GPC3: variants seen among roughly 807,000 people sequenced by gnomAD.
GPC3 encodes glypican-3.
In GPC3, 3 loss-of-function variants were observed where a neutral mutation model predicts 34.4. The observed-to-expected ratio is 0.09, with a 90% CI of 0.04 to 0.23. The LOEUF (loss-of-function observed/expected upper bound fraction) is 0.23. GPC3 is among the 10% of genes least tolerant of loss of function. The probability of loss-of-function intolerance (pLI) is 1.00; values close to 1 mark genes in which losing one functional copy is unlikely to be tolerated. For missense variants in GPC3, 351 were observed against 445.6 expected, an observed-to-expected ratio of 0.79 and a Z score of 1.91; for synonymous variants, 177 against 174.0, an observed-to-expected ratio of 1.02 and a Z score of -0.13.
At chrX:133,955,314 T>TA (rs1383000102) in intron 1 of GPC3, among the ~76,000 whole-genome samples, 20 of 111,081 alleles carry the variant, frequency 1.8e-4, no homozygotes, top group Admixed American at 7.6e-4. Flanking sequence ...CAAACTTTCT[T>TA]AAAACGGCAC....
intron 2 of GPC3, among the ~76,000 whole-genome samples, chrX:133,791,886 CTTT>C (rs747084452): frequency 1.3e-5 from 1 of 78,304 alleles, no homozygotes; most frequent in Non-Finnish European, 2.4e-5. Flanking sequence ...TTCTTTCTTT[CTTT>C]TTTTTTTTTT....
At chrX:133,728,575 C>T (rs1055308216) in intron 3 of GPC3, among the ~76,000 whole-genome samples, 5 of 112,548 alleles carry the variant, frequency 4.4e-5, no homozygotes, top group Admixed American at 2.8e-4. Flanking sequence ...TCCACCAGTC[C>T]GGCCTAGTGG....
At chrX:133,628,221 C>A (rs1424761988) in intron 6 of GPC3, among the ~76,000 whole-genome samples, 1 of 112,228 alleles carries the variant, frequency 8.9e-6, no homozygotes, top group Non-Finnish European at 1.9e-5. Context: ...GTGGCTTCTC[C>A]CAAGCAACAT....
chrX:133,717,320 G>C (rs1324506412), intron 3 of GPC3, among the ~76,000 whole-genome samples: 1 of 110,699 alleles, frequency 9.0e-6, no homozygotes, highest in Non-Finnish European at 1.9e-5. Context: ...TAAGGGAGGA[G>C]ACCACCCCTC....
At chrX:133,570,304 C>A (rs899525539) in intron 7 of GPC3, among the ~76,000 whole-genome samples, 2 of 111,369 alleles carry the variant, frequency 1.8e-5, no homozygotes, top group Non-Finnish European at 3.8e-5. Flanking sequence ...TAGGTTCAAG[C>A]GAGTCTCCTG....
At chrX:133,807,896 A>C (rs1342234779) in intron 2 of GPC3, among the ~76,000 whole-genome samples, 1 of 112,202 alleles carries the variant, frequency 8.9e-6, no homozygotes, top group Admixed American at 9.4e-5. Flanking sequence ...AGACCTACCA[A>C]ATCAGAAAAT....
rs1603226518 is a variant in GPC3 at position 133,692,463 on chromosome X, T to A, written c.1198A>T (p.Ser400Cys). 8.3e-7 allele frequency: 1 copy of A among 1,206,694 alleles called. No individual in the cohort carries two copies. The highest frequency in any genetic ancestry group is 3.0e-5 in the East Asian group (1 of 33,829). Reference sequence around the variant, plus strand: ...TAGCCAGGCAAAGCACTATAGAAGCTGATGAAAGACTTCAACTTCTGAATT... The same window carrying A: ...TAGCCAGGCAAAGCACTATAGAAGCAGATGAAAGACTTCAACTTCTGAATT... The part of the protein sequence containing the change: ...ELIQKLKSFI[S>C]FYSALPGYIC... The change falls in exon 5 of 8, where the codon AGC (serine) becomes TGC (cysteine). Residue 400 changes from serine to cysteine, a missense_variant. By Grantham distance (112) the Ser-to-Cys change is moderately radical. Coordinates refer to ENST00000370818, the MANE Select transcript of GPC3 (RefSeq NM_004484.4).
intron 6 of GPC3, among the ~76,000 whole-genome samples, chrX:133,617,383 T>A (rs892394257): frequency 1.8e-5 from 2 of 112,515 alleles, no homozygotes; most frequent in African/African-American, 6.5e-5. Context: ...ACTCTACAGA[T>A]CCAAAGTTTA....
chrX:133,687,074 T>G (rs1347734368), intron 5 of GPC3, among the ~76,000 whole-genome samples: 3 of 103,371 alleles, frequency 2.9e-5, no homozygotes, highest in Non-Finnish European at 5.9e-5. Context: ...TACGGGCACC[T>G]GCCACCATGG....
intron 3 of GPC3, among the ~76,000 whole-genome samples, chrX:133,722,457 C>T (rs993138546): frequency 8.9e-6 from 1 of 112,001 alleles, no homozygotes; most frequent in East Asian, 2.8e-4. Context: ...ATCTTATTTT[C>T]TCACTGTCAT....
At chrX:133,678,905 G>A (rs1201345181) in intron 5 of GPC3, among the ~76,000 whole-genome samples, 1 of 112,051 alleles carries the variant, frequency 8.9e-6, no homozygotes, top group Admixed American at 9.4e-5. Flanking sequence ...TGTATGCTTC[G>A]ATTCTCTGAC....
At chrX:133,850,907 C>A (rs767691065) in intron 2 of GPC3, among the ~76,000 whole-genome samples, 3 of 105,757 alleles carry the variant, frequency 2.8e-5, no homozygotes, top group African/African-American at 1.1e-4. Flanking sequence ...CTGGTTACCA[C>A]GGGGTAGAGA....
chrX:133,554,079 T>C (rs1369618405), intron 7 of GPC3, among the ~76,000 whole-genome samples: 3 of 108,958 alleles, frequency 2.8e-5, no homozygotes, highest in African/African-American at 1.0e-4. Context: ...AGTGGCACAA[T>C]CTCGGCTCAC....
intron 2 of GPC3, among the ~76,000 whole-genome samples, chrX:133,904,901 A>G (rs768012672): frequency 1.1e-3 from 124 of 112,424 alleles, no homozygotes; most frequent in Admixed American, 5.3e-3. Flanking sequence ...TTCCTGAAAG[A>G]AAGTTGACAT....
chrX:133,609,637 C>G (rs1218187538), intron 6 of GPC3, among the ~76,000 whole-genome samples: 1 of 112,284 alleles, frequency 8.9e-6, no homozygotes, highest in Non-Finnish European at 1.9e-5. Context: ...TTAACATCTA[C>G]ATATTATTGA....
At chrX:133,834,731 C>G (rs2052847492) in intron 2 of GPC3, among the ~76,000 whole-genome samples, 1 of 112,157 alleles carries the variant, frequency 8.9e-6, no homozygotes. Flanking sequence ...TAATATTACA[C>G]ACTCAACCCT....
chrX:133,939,978 G>A (rs2076338243), intron 2 of GPC3, among the ~76,000 whole-genome samples: 1 of 111,305 alleles, frequency 9.0e-6, no homozygotes, highest in Non-Finnish European at 1.9e-5. Context: ...GAAATTAAAT[G>A]TAGTGCAAAA....
At chrX:133,815,969 A>G (rs762856148) in intron 2 of GPC3, among the ~76,000 whole-genome samples, 1 of 111,689 alleles carries the variant, frequency 9.0e-6, no homozygotes, top group Admixed American at 9.5e-5. Flanking sequence ...GAGGTGGCAC[A>G]TTACACCACT....
chrX:133,764,275 G>A (rs2071826375), intron 2 of GPC3, among the ~76,000 whole-genome samples: 1 of 111,018 alleles, frequency 9.0e-6, no homozygotes, highest in African/African-American at 3.3e-5. Context: ...TACAGGGGTG[G>A]GGGTTTAAAA....
Sources: allele counts gnomAD v4.1 joint callset (sites outside exome capture counted in the v4.1 genomes callset), GRCh38; gene constraint gnomAD v4.1.1; transcripts MANE v1.5; gene names NCBI Gene and HGNC (gene_info 2026-07-23, HGNC 2026-07-21).